B3GALNT2: variants seen among roughly 807,000 people sequenced by gnomAD.
B3GALNT2 encodes the protein beta-1,3-N-acetylgalactosaminyltransferase 2.
In B3GALNT2, 53 loss-of-function variants were observed where a neutral mutation model predicts 61.1. The ratio of observed to expected loss-of-function variants is 0.87; its 90% CI spans 0.70 to 1.09. The LOEUF is 1.09. Ranked by LOEUF, B3GALNT2 falls within the 50% of genes least tolerant of loss-of-function variation. The probability of loss-of-function intolerance (pLI) is 0.00; values close to 1 mark genes in which losing one functional copy is unlikely to be tolerated. For synonymous variants in B3GALNT2, 223 were observed against 237.4 expected (o/e 0.94, Z 0.56); for missense variants, 544 against 623.0 (o/e 0.87, Z 1.35).
At chr1:235,503,043 T>C (rs1328037613) in intron 1 of B3GALNT2, among the ~76,000 whole-genome samples, 1 of 152,220 alleles carries the variant, frequency 6.6e-6, no homozygotes. Flanking sequence ...GGAAAAGAGA[T>C]TGTTACCAAA....
chr1:235,499,379 T>G (rs994034169), intron 1 of B3GALNT2, among the ~76,000 whole-genome samples: 2 of 152,184 alleles, frequency 1.3e-5, no homozygotes, highest in African/African-American at 4.8e-5. Flanking sequence ...ATTAGTTGGG[T>G]GTGTTCAATT....
intron 1 of B3GALNT2, 129 bp downstream of exon 1, chr1:235,504,012 G>T: frequency 9.7e-7 from 1 of 1,029,560 alleles, no homozygotes; most frequent in Non-Finnish European, 1.2e-6. Flanking sequence ...AGAGCCGTTT[G>T]TTTCGTCTGG....
chr1:235,485,218 CA>C (rs1684746250), intron 3 of B3GALNT2, among the ~76,000 whole-genome samples: 1 of 152,196 alleles, frequency 6.6e-6, no homozygotes, highest in Non-Finnish European at 1.5e-5. Context: ...TAGAAAGTGG[CA>C]GATCCAGGAA....
the B3GALNT2 span, among the ~76,000 whole-genome samples, chr1:235,440,118 C>A: frequency 4.6e-5 from 7 of 152,024 alleles, no homozygotes; most frequent in Non-Finnish European, 1.0e-4. Flanking sequence ...CTACAGGCGC[C>A]CACCACCACA....
intron 4 of B3GALNT2, among the ~76,000 whole-genome samples, chr1:235,480,939 A>C (rs934095969): frequency 2.9e-5 from 4 of 136,386 alleles, no homozygotes; most frequent in Admixed American, 7.7e-5. Flanking sequence ...AAAAAAAAAA[A>C]AAAAAACCGG....
At chr1:235,469,414 A>G (rs759953239) in intron 6 of B3GALNT2, among the ~76,000 whole-genome samples, 1 of 152,208 alleles carries the variant, frequency 6.6e-6, no homozygotes, top group Non-Finnish European at 1.5e-5. Flanking sequence ...TACCTGCTTT[A>G]TTGACCTATA....
At chr1:235,472,824 T>C (rs1471367514) in intron 5 of B3GALNT2, among the ~76,000 whole-genome samples, 1 of 152,224 alleles carries the variant, frequency 6.6e-6, no homozygotes, top group African/African-American at 2.4e-5. Context: ...AGGGAAACCA[T>C]ACAAAATTCA....
At chr1:235,486,362 A>C (rs1011893996) in intron 3 of B3GALNT2, among the ~76,000 whole-genome samples, 1 of 152,376 alleles carries the variant, frequency 6.6e-6, no homozygotes, top group African/African-American at 2.4e-5. Context: ...TCAGTAAATA[A>C]CAGATATCCA....
At position 235,499,309 on chromosome 1, in the gene B3GALNT2, C is replaced by A. The variant is rs187146082; in HGVS notation, c.113-4481G>T. 8.7e-4 allele frequency among the ~76,000 whole-genome samples: 133 copies of A among 152,298 alleles called. 2 individuals carry two copies. The highest frequency in any genetic ancestry group is 3.1e-3 in the African/African-American group (129 of 41,572). On this transcript the variant is annotated intron_variant, in intron 1 of 11. Transcript: ENST00000366600. The stretch of plus-strand genomic sequence containing the variant: ...GTTACTATCCCTGGTAGTGACAAAA[C>A]AGAGCATGAAGGGAACTTCTGAAGC...
At chr1:235,459,919 G>T (rs896492633) in intron 7 of B3GALNT2, among the ~76,000 whole-genome samples, 1 of 151,058 alleles carries the variant, frequency 6.6e-6, no homozygotes, top group Non-Finnish European at 1.5e-5. Flanking sequence ...TCAGCCTCCC[G>T]AGTAGCTGGG....
downstream of B3GALNT2, among the ~76,000 whole-genome samples, chr1:235,444,270 A>G (rs1682094507): frequency 6.6e-6 from 1 of 152,198 alleles, no homozygotes; most frequent in South Asian, 2.1e-4. Context: ...TGTAATATGT[A>G]ATTTGGCTAC....
chr1:235,442,169 C>T, the B3GALNT2 span, among the ~76,000 whole-genome samples: 5 of 151,990 alleles, frequency 3.3e-5, no homozygotes, highest in East Asian at 1.9e-4. Flanking sequence ...CAACCATGCC[C>T]GGCTAATTTT....
chr1:235,484,744 G>C, intron 3 of B3GALNT2: 1 of 698,160 alleles, frequency 1.4e-6, no homozygotes, highest in Non-Finnish European at 2.2e-6. Context: ...TTAATTATCA[G>C]AACTGCTTTA....
At chr1:235,455,532 C>T in intron 9 of B3GALNT2, 27 bp downstream of exon 9, 1 of 1,606,072 alleles carries the variant, frequency 6.2e-7, no homozygotes, top group Admixed American at 1.7e-5. Context: ...TACACGAATG[C>T]CAATGGGCTA....
intron 7 of B3GALNT2, 74 bp from the exon 8 acceptor site, chr1:235,458,860 A>T: frequency 3.8e-6 from 5 of 1,314,872 alleles, no homozygotes; most frequent in Non-Finnish European, 5.0e-6. Context: ...GATGTACACT[A>T]AAGTTCTTTT....
chr1:235,476,783 G>C (rs1294816565), intron 5 of B3GALNT2, among the ~76,000 whole-genome samples: 1 of 151,870 alleles, frequency 6.6e-6, no homozygotes, highest in East Asian at 1.9e-4. Flanking sequence ...GTGGGAGGCA[G>C]AGGTTGCAGT....
At chr1:235,461,179 G>A (rs973196255) in intron 7 of B3GALNT2, among the ~76,000 whole-genome samples, 1 of 152,164 alleles carries the variant, frequency 6.6e-6, no homozygotes, top group Non-Finnish European at 1.5e-5. Context: ...GGATGAGGTG[G>A]GAAGCTGAAG....
downstream of B3GALNT2, among the ~76,000 whole-genome samples, chr1:235,442,454 G>C (rs541112540): frequency 3.3e-5 from 5 of 151,990 alleles, no homozygotes; most frequent in South Asian, 8.3e-4. Context: ...AGCGGCATGA[G>C]CTACCGCGCC....
intron 11 of B3GALNT2, 48 bp downstream of exon 11, chr1:235,453,042 C>A (rs1468578501): frequency 6.7e-7 from 1 of 1,494,570 alleles, no homozygotes; most frequent in Non-Finnish European, 9.3e-7. Flanking sequence ...ATATAGAAAT[C>A]CACCTCCTCA....
Sources: gnomAD v4.1 joint callset for allele counts (sites outside exome capture counted in the v4.1 genomes callset) on GRCh38, gnomAD v4.1.1 for gene constraint, MANE v1.5 for transcripts, NCBI Gene and HGNC (gene_info 2026-07-23, HGNC 2026-07-21) for gene names.